Variants in ZNF202 observed in about 807,000 individuals in gnomAD.
ZNF202 encodes zinc finger protein with KRAB and SCAN domains 10.
Under a neutral mutation model 54.5 loss-of-function variants are expected in ZNF202, and 22 were observed. The ratio of observed to expected loss-of-function variants is 0.40; its 90% CI spans 0.29 to 0.58. The LOEUF is 0.58. Among genes scored for constraint, ZNF202 ranks in the 20% least tolerant of loss-of-function variants. The probability of loss-of-function intolerance (pLI) is 0.39; values close to 1 mark genes in which losing one functional copy is unlikely to be tolerated. For missense variants in ZNF202, 644 were observed against 805.5 expected (o/e 0.80, Z 2.43); for synonymous variants, 294 against 301.4 (o/e 0.98, Z 0.26).
At chr11:123,727,273 T>A (rs2137316046) in intron 8 of ZNF202, among the ~76,000 whole-genome samples, 1 of 152,298 alleles carries the variant, frequency 6.6e-6, no homozygotes, top group Middle Eastern at 3.4e-3. Flanking sequence ...CTTTCACCCT[T>A]TTGTATTACA....
rs1334492578 is a variant in ZNF202 at position 123,729,598 on chromosome 11, C to T, written c.613+17G>A. The T allele has an allele frequency of 1.3e-6, 2 of 1,532,428 alleles. No homozygotes were observed. Among genetic ancestry groups the T allele is most frequent in the East Asian group, 4.6e-5 (2 of 43,350 alleles). The allele number at this position is 1,532,428 out of a possible 1,614,324, so 94.9% of individuals were successfully genotyped here. ...TGCCTTCTGCCACAATCCCCCCTTT[C>T]TGCTGATGCTTCCCACCGCTCTCCT... On this transcript the variant is annotated intron_variant, in intron 5 of 8. Coordinates refer to ENST00000530393, the MANE Select transcript of ZNF202 (RefSeq NM_003455.4).
rs377057393 is a variant in ZNF202 at position 123,727,609 on chromosome 11, G to A, written c.833-14C>T. 2.2e-5 allele frequency: 36 copies of A among 1,613,644 alleles called. No homozygotes were observed. The highest frequency in any genetic ancestry group is 2.4e-5 in the Non-Finnish European group (28 of 1,179,872). ...GGATTGGAAATGCTGCTCAAGAGAG[G>A]GAAAATAGGATATCACGATTGGCTC... On this transcript the variant is annotated splice_polypyrimidine_tract_variant and intron_variant, in intron 7 of 8. Coordinates refer to ENST00000530393, the MANE Select transcript of ZNF202 (RefSeq NM_003455.4).
At chr11:123,731,893 A>G (rs1861421581) in intron 3 of ZNF202, among the ~76,000 whole-genome samples, 1 of 152,206 alleles carries the variant, frequency 6.6e-6, no homozygotes, top group Admixed American at 6.5e-5. Flanking sequence ...CCTGGGAATG[A>G]CACGAAGCTC....
At chr11:123,739,756 A>T (rs10750239) in intron 3 of ZNF202, among the ~76,000 whole-genome samples, 2 of 152,000 alleles carry the variant, frequency 1.3e-5, no homozygotes, top group South Asian at 4.1e-4. Context: ...ACTGCAATAC[A>T]TATATCACAT....
rs1460915398 is a variant in ZNF202, at chr11:123,726,088, T to C, written c.1856A>G (p.Lys619Arg). The change falls in exon 9 of 9, where the codon AAA (lysine) becomes AGA (arginine). Residue 619 changes from lysine to arginine, a missense_variant. Lys to Arg is a conservative substitution (Grantham distance 26). Transcript: ENST00000530393. This position sits in a 1 kb window ranked among gnomAD's most constrained non-coding sequence, Gnocchi z 6.0. Reference sequence around the variant, plus strand: ...TCCACAGGTAGGGCACGTGAATGGTTTCTCCCCAGTGTGTGTTCTCTGATG... The same window carrying C: ...TCCACAGGTAGGGCACGTGAATGGTCTCTCCCCAGTGTGTGTTCTCTGATG... ...VRHQRTHTGE[K>R]PFTCPTCGKS... 6.2e-7 allele frequency: 1 copy of C among 1,614,052 alleles called. No individual in the cohort carries two copies. Among genetic ancestry groups the C allele is most frequent in the African/African-American group, 1.3e-5 (1 of 74,914 alleles).
intron 3 of ZNF202, among the ~76,000 whole-genome samples, chr11:123,737,978 A>G (rs944546295): frequency 6.6e-6 from 1 of 152,180 alleles, no homozygotes; most frequent in African/African-American, 2.4e-5. Flanking sequence ...GGATGCTGAG[A>G]TTTACTCAAG....
chr11:123,737,690 C>CTAAAA (rs61183225), intron 3 of ZNF202, among the ~76,000 whole-genome samples: 103,168 of 151,548 alleles, frequency 0.68, 35,287 homozygotes, highest in Middle Eastern at 0.82. Flanking sequence ...TTATTCTAAA[C>CTAAAA]TGTTTTTGAT....
At chr11:123,739,119 C>T (rs1380348034) in intron 3 of ZNF202, among the ~76,000 whole-genome samples, 1 of 152,054 alleles carries the variant, frequency 6.6e-6, no homozygotes, top group Admixed American at 6.5e-5. Flanking sequence ...TTTCTCCTCC[C>T]CCAACTAGTA....
At chr11:123,729,075 C>CAGTGGTTCTTCAAAGCCA in intron 6 of ZNF202, 51 bp downstream of exon 6, 1 of 1,584,148 alleles carries the variant, frequency 6.3e-7, no homozygotes, top group Non-Finnish European at 8.6e-7. Flanking sequence ...GGCTTATGCC[C>CAGTGGTTCTTCAAAGCCA]AGTGGTTCTT....
Position 123,727,564 on chromosome 11 carries a change from G to C in ZNF202, c.864C>G (p.Ser288=), listed in dbSNP as rs751701044. 1.9e-6 allele frequency: 3 copies of C among 1,614,100 alleles called. No homozygotes were observed. The highest frequency in any genetic ancestry group is 3.3e-5 in the Admixed American group (2 of 60,020). The change falls in exon 8 of 9, where the codon TCC becomes TCG. Residue 288 remains serine (S), a synonymous_variant. Transcript: ENST00000530393. ...CCCAAGGCTCTTCCTCTCTAACCTG[G>C]GAGATCTCATCAGGTCTGGGGATTG... ...SFPIPRPDEI[S]QVREEEPWVP...
Position 123,725,841 on chromosome 11 carries a change from G to A in ZNF202, c.*156C>T, listed in dbSNP as rs1226780841. 2.3e-6 allele frequency: 2 copies of A among 853,468 alleles called. No individual in the cohort carries two copies. The highest frequency in any genetic ancestry group is 3.5e-6 in the Non-Finnish European group (2 of 571,264). The allele number at this position is 853,468 out of a possible 1,614,324, so 52.9% of individuals were successfully genotyped here. A position where few individuals can be genotyped will look rare whatever the true frequency, so the allele number is the denominator to read the frequency against. On this transcript the variant is annotated 3_prime_UTR_variant, in exon 9 of 9. Transcript: ENST00000530393. ...GAGGAAGGCTGAGAGGTTCTGCCCA[G>A]GCTCGTGTTTAGTTGCAGGAAGAGG... is the stretch of plus-strand genomic sequence containing the variant.
chr11:123,728,851 T>C (rs188125566), intron 6 of ZNF202, among the ~76,000 whole-genome samples: 38 of 152,272 alleles, frequency 2.5e-4, no homozygotes, highest in African/African-American at 8.2e-4. Context: ...AACCCTCATT[T>C]GACAACTTCG....
Position 123,726,966 on chromosome 11 carries a change from C to A in ZNF202, c.978G>T (p.Glu326Asp), listed in dbSNP as rs749065730. Residue 326 changes from glutamate to aspartate, a missense_variant, in exon 9 of 9, where the codon GAG becomes GAT. Transcript: ENST00000530393. The surrounding 1 kb of genome is among the most constrained non-coding windows in gnomAD (Gnocchi z 6.0). Reference sequence around the variant, plus strand: ...AACTCAGATCTTCCTGCTCCAGACACTCTTCCTCATCTTTACTCCTATCTC... The same window carrying A: ...AACTCAGATCTTCCTGCTCCAGACAATCTTCCTCATCTTTACTCCTATCTC... ...YTGDRSKDEE[E>D]CLEQEDLSLE... 3.1e-6 allele frequency: 5 copies of A among 1,613,296 alleles called. No individual in the cohort carries two copies. The highest frequency in any genetic ancestry group is 1.1e-5 in the South Asian group (1 of 90,946).
chr11:123,737,125 C>T (rs1047146737), intron 3 of ZNF202, among the ~76,000 whole-genome samples: 4 of 151,840 alleles, frequency 2.6e-5, no homozygotes, highest in African/African-American at 4.8e-5. Context: ...TGAGAAGGAA[C>T]CTTAGACACA....
At chr11:123,731,379 G>T (rs1368917355) in intron 3 of ZNF202, among the ~76,000 whole-genome samples, 2 of 152,156 alleles carry the variant, frequency 1.3e-5, no homozygotes, top group African/African-American at 4.8e-5. Flanking sequence ...TCAACTATAA[G>T]CAAAGTACAA....
chr11:123,730,862 G>C lies in ZNF202; in HGVS notation c.27C>G (p.Asp9Glu). 1 of 1,614,062 alleles carries C rather than the reference G, an allele frequency of 6.2e-7. No individual in the cohort carries two copies. The highest frequency in any genetic ancestry group is 8.5e-7 in the Non-Finnish European group (1 of 1,179,956). The stretch of plus-strand genomic sequence containing the variant: ...TTCCCTCTTCTTCCCAAAGATCCTG[G>C]TCCTCTGGTTCCACGGCTGTAGCCA... MATAVEPE[D>E]QDLWEEEGIL... Residue 9 changes from aspartate (D) to glutamate (E), a missense_variant, in exon 4 of 9, where the codon GAC becomes GAG. Transcript: ENST00000530393. The surrounding 1 kb of genome is among the most constrained non-coding windows in gnomAD (Gnocchi z 6.0).
At position 123,730,476 on chromosome 11, in the gene ZNF202, C is replaced by G; in HGVS notation, c.402+11G>C. The stretch of plus-strand genomic sequence containing the variant: ...CTCCACATCACACAGATCAGGACTC[C>G]CCCTCCTCACCCACCGCCTTGGTCT... On this transcript the variant is annotated intron_variant, in intron 4 of 8. Transcript: ENST00000530393. This position sits in a 1 kb window ranked among gnomAD's most constrained non-coding sequence, Gnocchi z 6.0. 1.3e-6 allele frequency: 2 copies of G among 1,517,558 alleles called. No homozygotes were observed. Among genetic ancestry groups the G allele is most frequent in the Non-Finnish European group, 1.8e-6 (2 of 1,134,956 alleles). The allele number at this position is 1,517,558 out of a possible 1,614,324, so 94.0% of individuals were successfully genotyped here.
chr11:123,727,643 CCT>C (rs758331892), intron 7 of ZNF202, 48 bp from the exon 8 acceptor site: 72 of 1,611,080 alleles, frequency 4.5e-5, no homozygotes, highest in Non-Finnish European at 5.9e-5. Flanking sequence ...TCAACAATTC[CCT>C]GTGTTAAGAG....
intron 5 of ZNF202, 38 bp from the exon 6 acceptor site, chr11:123,729,252 C>G (rs927373529): frequency 1.6e-5 from 25 of 1,594,496 alleles, no homozygotes; most frequent in Non-Finnish European, 2.0e-5. Context: ...TAATATGCAG[C>G]ATGCCCCAAT....
Sources: gnomAD v4.1 joint callset for allele counts (sites outside exome capture counted in the v4.1 genomes callset) on GRCh38, gnomAD v4.1.1 for gene constraint, Gnocchi (gnomAD v3.1) non-coding constraint, MANE v1.5 for transcripts, NCBI Gene and HGNC (gene_info 2026-07-23, HGNC 2026-07-21) for gene names.